Variants in SNX9 observed in about 807,000 individuals in gnomAD.
SNX9 encodes the protein sorting nexin-9.
SNX9 carries 44 observed loss-of-function variants against 89.4 expected under a neutral mutation model. The ratio of observed to expected loss-of-function variants is 0.49; its 90% CI spans 0.39 to 0.63. The LOEUF (loss-of-function observed/expected upper bound fraction) is 0.63, where lower values mean the gene tolerates loss of function less well. Ranked by LOEUF, SNX9 falls within the 30% of genes least tolerant of loss-of-function variation. The pLI, the probability that SNX9 is intolerant of heterozygous loss-of-function variation, is 0.00. For synonymous variants in SNX9, 236 were observed against 247.8 expected, an observed-to-expected ratio of 0.95 and a Z score of 0.45; for missense variants, 578 against 736.1, an observed-to-expected ratio of 0.79 and a Z score of 2.49.
At chr6:157,872,923 T>A (rs916435103) in intron 2 of SNX9, 179 bp from the exon 3 acceptor site, 9 of 455,998 alleles carry the variant, frequency 2.0e-5, no homozygotes, top group Non-Finnish European at 3.1e-5. Flanking sequence ...TTAGGTTACA[T>A]CATTTTCTGA....
chr6:157,929,573 CAT>C (rs1374072871), intron 12 of SNX9, among the ~76,000 whole-genome samples: 2 of 152,184 alleles, frequency 1.3e-5, no homozygotes, highest in Non-Finnish European at 2.9e-5. Flanking sequence ...GCCTTCACCT[CAT>C]AACACCATAC....
chr6:157,900,604 G>C (rs1034345072), intron 5 of SNX9, among the ~76,000 whole-genome samples: 1 of 152,078 alleles, frequency 6.6e-6, no homozygotes, highest in South Asian at 2.1e-4. Flanking sequence ...TGAGGGCGGG[G>C]GTAGGTTAGT....
intron 2 of SNX9, among the ~76,000 whole-genome samples, chr6:157,870,844 A>C (rs1782391898): frequency 7.1e-6 from 1 of 141,422 alleles, no homozygotes; most frequent in African/African-American, 2.7e-5. Flanking sequence ...ACATACCCAC[A>C]CTCTCCTGCT....
intron 1 of SNX9, among the ~76,000 whole-genome samples, chr6:157,844,075 A>G (rs575738839): frequency 6.6e-6 from 1 of 151,914 alleles, no homozygotes; most frequent in Admixed American, 6.6e-5. Flanking sequence ...GGGTTTCACC[A>G]CTTTGGCCTG....
chr6:157,887,519 G>A (rs1314577081), intron 4 of SNX9, among the ~76,000 whole-genome samples: 1 of 152,156 alleles, frequency 6.6e-6, no homozygotes, highest in South Asian at 2.1e-4. Flanking sequence ...GCCGAGCTTT[G>A]TGTGGGTTTT....
At chr6:157,918,940 T>G (rs1339019380) in intron 9 of SNX9, among the ~76,000 whole-genome samples, 1 of 152,118 alleles carries the variant, frequency 6.6e-6, no homozygotes, top group African/African-American at 2.4e-5. Flanking sequence ...CAACAATACA[T>G]TGTGGTAATT....
intron 1 of SNX9, among the ~76,000 whole-genome samples, chr6:157,850,014 AAC>A (rs1433535747): frequency 1.3e-5 from 2 of 152,204 alleles, no homozygotes; most frequent in African/African-American, 4.8e-5. Flanking sequence ...GACCCTGGAA[AAC>A]ACAGACATTT....
intron 7 of SNX9, among the ~76,000 whole-genome samples, chr6:157,909,358 C>T (rs1247778973): frequency 6.6e-6 from 1 of 152,196 alleles, no homozygotes; most frequent in Non-Finnish European, 1.5e-5. Flanking sequence ...TAGCTTGAGA[C>T]AGCTAGACTA....
intron 2 of SNX9, among the ~76,000 whole-genome samples, chr6:157,869,960 G>A (rs754059633): frequency 5.9e-5 from 9 of 151,502 alleles, no homozygotes; most frequent in Non-Finnish European, 1.3e-4. Flanking sequence ...ACTCTTTCAC[G>A]TGTGCACTCT....
chr6:157,942,215 G>A (rs912476673), intron 17 of SNX9, among the ~76,000 whole-genome samples: 6 of 152,230 alleles, frequency 3.9e-5, no homozygotes, highest in African/African-American at 1.4e-4. Context: ...TGTTCATGGA[G>A]CAGACATATA....
chr6:157,837,815 A>C (rs2115110597), intron 1 of SNX9, among the ~76,000 whole-genome samples: 1 of 152,350 alleles, frequency 6.6e-6, no homozygotes, highest in African/African-American at 2.4e-5. Context: ...CAGATCGTGA[A>C]GCCGTCGTTG....
At chr6:157,842,683 C>T (rs1781725895) in intron 1 of SNX9, among the ~76,000 whole-genome samples, 1 of 152,176 alleles carries the variant, frequency 6.6e-6, no homozygotes, top group Admixed American at 6.5e-5. Flanking sequence ...TTAATGTCTT[C>T]TGTTCCTGGG....
At chr6:157,866,342 G>C (rs1373584518) in intron 1 of SNX9, among the ~76,000 whole-genome samples, 1 of 152,194 alleles carries the variant, frequency 6.6e-6, no homozygotes, top group African/African-American at 2.4e-5. Context: ...CAAATACTTT[G>C]AGAGGAAGAT....
chr6:157,851,422 C>T (rs1781908566), intron 1 of SNX9, among the ~76,000 whole-genome samples: 3 of 152,036 alleles, frequency 2.0e-5, no homozygotes, highest in South Asian at 2.1e-4. Context: ...TGATGTGTAA[C>T]CATTGCCACT....
In SNX9 at chr6:157,928,640, T is replaced by A. The variant is rs1414823131; in HGVS notation, c.1226T>A (p.Met409Lys). 3.7e-6 allele frequency: 6 copies of A among 1,611,042 alleles called. No individual in the cohort carries two copies. Among genetic ancestry groups the A allele is most frequent in the Non-Finnish European group, 5.1e-6 (6 of 1,178,812 alleles). The change falls in exon 12 of 18, where the codon ATG (methionine) becomes AAG (lysine). Residue 409 changes from methionine to lysine, a missense_variant. Around this residue, in one of 2 missense-constraint regions of SNX9, gnomAD observed 348 missense variants for 491.4 expected, o/e 0.71. Coordinates refer to ENST00000392185, the MANE Select transcript of SNX9 (RefSeq NM_016224.5). ...CEAVGKFTKA[M>K]DDGVKELLTV... ...GCTGTGGGGAAGTTCACCAAGGCCA[T>A]GGATGACGGCGTGAAGGAGCTGCTG...
intron 2 of SNX9, 31 bp downstream of exon 2, chr6:157,867,664 TC>T: frequency 2.0e-6 from 3 of 1,509,582 alleles, no homozygotes; most frequent in South Asian, 2.4e-5. Flanking sequence ...AGTCTGATTG[TC>T]CCATGTGGAC....
intron 4 of SNX9, among the ~76,000 whole-genome samples, chr6:157,878,624 G>A (rs1349934533): frequency 6.6e-6 from 1 of 151,968 alleles, no homozygotes; most frequent in African/African-American, 2.4e-5. Flanking sequence ...GTAGAGATGG[G>A]GTTTCACCAT....
At chr6:157,918,949 T>C (rs950343427) in intron 9 of SNX9, among the ~76,000 whole-genome samples, 3 of 152,134 alleles carry the variant, frequency 2.0e-5, no homozygotes, top group South Asian at 2.1e-4. Context: ...ATTGTGGTAA[T>C]TACTGCTTTC....
intron 2 of SNX9, 30 bp from the exon 3 acceptor site, chr6:157,873,072 C>CTTTT: frequency 4.9e-5 from 65 of 1,323,734 alleles, no homozygotes; most frequent in South Asian, 1.4e-4. Flanking sequence ...TAATCTTTTT[C>CTTTT]TTTTTTTTTT....
Sources: allele counts gnomAD v4.1 joint callset (sites outside exome capture counted in the v4.1 genomes callset), GRCh38; gene constraint gnomAD v4.1.1; regional missense constraint gnomAD v4.1.1; transcripts MANE v1.5; gene names NCBI Gene and HGNC (gene_info 2026-07-23, HGNC 2026-07-21).